SCFD2: variants seen among roughly 807,000 people sequenced by gnomAD.
SCFD2 encodes sec1 family domain containing 2.
A neutral mutation model predicts 58.9 loss-of-function variants in SCFD2; 54 were observed. The ratio of observed to expected loss-of-function variants is 0.92; its 90% CI spans 0.74 to 1.15. The LOEUF is 1.15. SCFD2 is among the 50% of genes most tolerant of loss of function. The pLI is 0.00. For missense variants in SCFD2, 805 were observed against 836.6 expected, an observed-to-expected ratio of 0.96 and a Z score of 0.47; for synonymous variants, 321 against 335.9, an observed-to-expected ratio of 0.96 and a Z score of 0.49.
At chr4:53,207,714 T>G (rs1335467651) in intron 4 of SCFD2, among the ~76,000 whole-genome samples, 3 of 147,118 alleles carry the variant, frequency 2.0e-5, no homozygotes, top group African/African-American at 7.6e-5. Context: ...CCTTTGGTAC[T>G]GTGAGTGAGT....
chr4:53,080,701 C>G (rs994904506), intron 5 of SCFD2, among the ~76,000 whole-genome samples: 1 of 152,008 alleles, frequency 6.6e-6, no homozygotes, highest in African/African-American at 2.4e-5. Context: ...TCATTTAACC[C>G]CTAAGAACTA....
At chr4:52,971,591 T>C (rs1721102343) in intron 5 of SCFD2, among the ~76,000 whole-genome samples, 1 of 152,198 alleles carries the variant, frequency 6.6e-6, no homozygotes, top group South Asian at 2.1e-4. Context: ...GAAAACACTC[T>C]GCAGGATATT....
chr4:53,201,780 G>A (rs1269898552), intron 4 of SCFD2, among the ~76,000 whole-genome samples: 8 of 152,198 alleles, frequency 5.3e-5, no homozygotes, highest in African/African-American at 1.7e-4. Flanking sequence ...GGCCAGTGAT[G>A]ATGAGCATTT....
At chr4:52,982,034 G>C (rs1049539934) in intron 5 of SCFD2, among the ~76,000 whole-genome samples, 4 of 152,176 alleles carry the variant, frequency 2.6e-5, no homozygotes, top group Admixed American at 6.5e-5. Context: ...TAAGGAAGAG[G>C]AATGGATCAA....
chr4:53,250,311 G>C (rs1400206185), intron 4 of SCFD2, among the ~76,000 whole-genome samples: 9 of 152,126 alleles, frequency 5.9e-5, no homozygotes, highest in Non-Finnish European at 1.2e-4. Flanking sequence ...CAAGTCCTTA[G>C]AGACCTACAA....
rs188512523 is a variant in SCFD2 at position 52,938,796 on chromosome 4, T to G, written c.1562-17926A>C. Among the ~76,000 whole-genome samples, 13 of 152,338 alleles carry G rather than the reference T, an allele frequency of 8.5e-5. No homozygotes were observed. The East Asian group carries it at 2.5e-3, about 29-fold the overall frequency. On this transcript the variant is annotated intron_variant, in intron 5 of 8. Transcript: ENST00000401642. ...GTAACCTAAATGAATAAGGTTTCAT[T>G]GTGTTTCAAAGTCAACTCATCTTAA...
intron 4 of SCFD2, among the ~76,000 whole-genome samples, chr4:53,185,642 C>T (rs1426156158): frequency 6.6e-6 from 1 of 151,974 alleles, no homozygotes; most frequent in Non-Finnish European, 1.5e-5. Flanking sequence ...TGGAATTACT[C>T]TATTAAGTTA....
At chr4:52,957,282 T>C (rs1159343868) in intron 5 of SCFD2, 1 of 152,196 alleles carries the variant, frequency 6.6e-6, no homozygotes, top group Non-Finnish European at 1.5e-5. Context: ...TGTGCTTCTA[T>C]TTAATAAATA....
At chr4:53,149,513 C>A (rs1726444069) in intron 4 of SCFD2, among the ~76,000 whole-genome samples, 1 of 152,152 alleles carries the variant, frequency 6.6e-6, no homozygotes, top group Non-Finnish European at 1.5e-5. Context: ...ACAAATCTTC[C>A]TTAAGGAATT....
chr4:53,303,120 G>T (rs527484524), intron 3 of SCFD2, among the ~76,000 whole-genome samples: 2 of 152,274 alleles, frequency 1.3e-5, no homozygotes, highest in South Asian at 4.1e-4. Flanking sequence ...TTAAACTAAA[G>T]AGCTTCTGCA....
intron 8 of SCFD2, among the ~76,000 whole-genome samples, chr4:52,877,565 C>A (rs1009439624): frequency 6.6e-6 from 1 of 152,248 alleles, no homozygotes; most frequent in Non-Finnish European, 1.5e-5. Context: ...ACCCACCCCA[C>A]ATGATTATGT....
intron 5 of SCFD2, among the ~76,000 whole-genome samples, chr4:52,935,694 T>G (rs755667804): frequency 1.8e-4 from 27 of 152,252 alleles, no homozygotes; most frequent in Admixed American, 2.6e-4. Flanking sequence ...TAAATGTTTC[T>G]TTCTAAGAAA....
intron 4 of SCFD2, among the ~76,000 whole-genome samples, chr4:53,167,645 G>A (rs1727048959): frequency 6.6e-6 from 1 of 152,108 alleles, no homozygotes; most frequent in Non-Finnish European, 1.5e-5. Context: ...ACTTGATTTA[G>A]GTTTTAATTT....
At chr4:53,229,321 T>G (rs1729348269) in intron 4 of SCFD2, among the ~76,000 whole-genome samples, 1 of 152,212 alleles carries the variant, frequency 6.6e-6, no homozygotes. Flanking sequence ...AAGTCAATCC[T>G]AAGCCGAAAG....
intron 5 of SCFD2, among the ~76,000 whole-genome samples, chr4:53,122,540 A>G (rs1036613549): frequency 1.1e-4 from 17 of 152,178 alleles, no homozygotes; most frequent in Admixed American, 3.3e-4. Context: ...AAAGAGAAAT[A>G]AGCAGAATAA....
At chr4:53,271,497 C>T (rs1338708873) in intron 4 of SCFD2, among the ~76,000 whole-genome samples, 1 of 149,920 alleles carries the variant, frequency 6.7e-6, no homozygotes, top group Admixed American at 6.7e-5. Flanking sequence ...GAGTCTCCCT[C>T]TGTCACCCAG....
rs970357846 is a variant in SCFD2 at position 52,879,255 on chromosome 4, C to A, written c.1963-5194G>T. ...ACCATACCTGCCCTGCACCATCTAC[C>A]CACCAGAATACCTTCCACAAAAACA... On this transcript the variant is annotated intron_variant, in intron 8 of 8. Transcript: ENST00000401642. 3.9e-5 allele frequency among the ~76,000 whole-genome samples: 6 copies of A among 152,294 alleles called. No individual in the cohort carries two copies. The East Asian group carries it at 1.2e-3, about 29-fold the overall frequency.
intron 3 of SCFD2, among the ~76,000 whole-genome samples, chr4:53,308,826 G>A (rs1213771946): frequency 6.6e-6 from 1 of 152,056 alleles, no homozygotes; most frequent in Non-Finnish European, 1.5e-5. Flanking sequence ...AATCTTATCT[G>A]GGGCTTTATT....
intron 4 of SCFD2, among the ~76,000 whole-genome samples, chr4:53,240,990 C>A (rs1170724261): frequency 6.6e-6 from 1 of 152,176 alleles, no homozygotes; most frequent in East Asian, 1.9e-4. Flanking sequence ...GCATTGAGAG[C>A]AGACAGATGG....
Sources: gnomAD v4.1 joint callset for allele counts (sites outside exome capture counted in the v4.1 genomes callset) on GRCh38, gnomAD v4.1.1 for gene constraint, MANE v1.5 for transcripts, NCBI Gene and HGNC (gene_info 2026-07-23, HGNC 2026-07-21) for gene names.